The following TBC1D17 variants were observed in gnomAD, a reference collection of about 807,000 sequenced individuals.
TBC1D17 encodes the protein TBC1 domain family member 17.
TBC1D17 carries 69 observed loss-of-function variants against 78.8 expected under a neutral mutation model. The ratio of observed to expected loss-of-function variants is 0.88; its 90% CI spans 0.72 to 1.07. The LOEUF (loss-of-function observed/expected upper bound fraction) is 1.07, where lower values mean the gene tolerates loss of function less well. Among genes scored for constraint, TBC1D17 ranks in the 50% least tolerant of loss-of-function variants. The probability of loss-of-function intolerance (pLI) is 0.00; values close to 1 mark genes in which losing one functional copy is unlikely to be tolerated. For missense variants in TBC1D17, 957 were observed against 861.0 expected (o/e 1.11, Z -1.39); for synonymous variants, 456 against 358.3 (o/e 1.27, Z -3.08).
Position 49,878,130 on chromosome 19 carries a change from C to A in TBC1D17, c.22-13C>A, listed in dbSNP as rs1404238931. Reference sequence around the variant, plus strand: ...GCTTGGGCCCCAGCCCTCGCTGGTTCCCCCCAACTCAGGTGGTGTTTGAGA... The same window carrying A: ...GCTTGGGCCCCAGCCCTCGCTGGTTACCCCCAACTCAGGTGGTGTTTGAGA... On this transcript the variant is annotated splice_polypyrimidine_tract_variant and intron_variant, in intron 1 of 16. Transcript: ENST00000221543. 5 of 1,565,680 alleles carry A rather than the reference C, an allele frequency of 3.2e-6. No individual in the cohort carries two copies. In the Admixed American group the frequency reaches 7.5e-5, roughly 23 times the overall value.
chr19:49,882,079 A>G lies in TBC1D17; in HGVS notation c.566A>G (p.His189Arg). The G allele has an allele frequency of 6.2e-7, 1 of 1,613,848 alleles. No homozygotes were observed. The highest frequency in any genetic ancestry group is 8.5e-7 in the Non-Finnish European group (1 of 1,179,930). The part of the protein sequence containing the change: ...QDSRLYLVFP[H>R]DSSALSNSFH... ...TCCCGCCTCTACCTTGTCTTCCCCC[A>G]CGACTCCTCTGCTCTCTCCAACTCC... Residue 189 changes from histidine (H) to arginine (R), a missense_variant, in exon 6 of 17, where the codon CAC (histidine) becomes CGC (arginine). By Grantham distance (29) the His-to-Arg change is conservative (BLOSUM62 0). Transcript: ENST00000221543.
In TBC1D17 at chr19:49,887,469, C is replaced by T. The variant is rs766488081; in HGVS notation, c.1445-7C>T. ...CAAGGCTGAGTGGGCTCCATGTCAT[C>T]CCCCAGATTCCCAGGACTCCGGCTC... On this transcript the variant is annotated splice_polypyrimidine_tract_variant and splice_region_variant and intron_variant, in intron 13 of 16. Coordinates refer to ENST00000221543, the MANE Select transcript of TBC1D17 (RefSeq NM_024682.3). 4.3e-6 allele frequency: 7 copies of T among 1,613,158 alleles called. No homozygotes were observed. In the Admixed American group the frequency reaches 8.3e-5, roughly 19 times the overall value.
At chr19:49,887,117 G>C (rs1023950348) in intron 13 of TBC1D17, 1 of 324,434 alleles carries the variant, frequency 3.1e-6, no homozygotes, top group Non-Finnish European at 6.0e-6. Context: ...GGTTACAGGC[G>C]TGCGCCATCG....
intron 10 of TBC1D17, 81 bp downstream of exon 10, chr19:49,883,826 T>C (rs1044744296): frequency 9.7e-6 from 12 of 1,242,226 alleles, no homozygotes; most frequent in South Asian, 2.4e-5. Context: ...GAGTGGGAGA[T>C]AGAGGGAGCC....
chr19:49,880,548 G>A, intron 4 of TBC1D17, 146 bp downstream of exon 4: 2 of 1,134,938 alleles, frequency 1.8e-6, no homozygotes, highest in Non-Finnish European at 2.4e-6. Context: ...GCATGGAAGT[G>A]AATGGGAAGA....
chr19:49,884,451 C>A lies in TBC1D17; in HGVS notation c.1244-8C>A, dbSNP rs764606250. Reference sequence around the variant, plus strand: ...GCTTGGCTGCAGCCTGACCCCATGTCCCCCCAGGCTACGTCCAGGGCATGA... The same window carrying A: ...GCTTGGCTGCAGCCTGACCCCATGTACCCCCAGGCTACGTCCAGGGCATGA... On this transcript the variant is annotated splice_polypyrimidine_tract_variant and splice_region_variant and intron_variant, in intron 11 of 16. Transcript: ENST00000221543. The A allele has an allele frequency of 5.0e-6, 8 of 1,613,462 alleles. No individual in the cohort carries two copies. The highest frequency in any genetic ancestry group is 1.1e-5 in the South Asian group (1 of 91,068).
chr19:49,887,220 C>G (rs1048929529), intron 13 of TBC1D17: 4 of 491,010 alleles, frequency 8.1e-6, no homozygotes, highest in Non-Finnish European at 1.5e-5. Context: ...TCTGTTTCGT[C>G]GGGCGTGCTG....
rs1309167782 is a variant in TBC1D17, at chr19:49,888,587, T to G, written c.1910T>G (p.Ile637Ser). ...TAPQPDSSLE[I>S]LPEEEDEGAD... Reference sequence around the variant, plus strand: ...CCGCAGCCCGACAGCAGCCTGGAGATCCTGCCCGAGGAGGAGGACGAGGGC... The same window carrying G: ...CCGCAGCCCGACAGCAGCCTGGAGAGCCTGCCCGAGGAGGAGGACGAGGGC... The change falls in exon 17 of 17, where the codon ATC becomes AGC. Residue 637 changes from isoleucine to serine, a missense_variant. Physicochemically the swap from Ile to Ser is moderately radical, Grantham distance 142 (BLOSUM62 -2). Transcript: ENST00000221543. The G allele has an allele frequency of 1.3e-6, 2 of 1,527,036 alleles. No individual in the cohort carries two copies. The highest frequency in any genetic ancestry group is 1.8e-6 in the Non-Finnish European group (2 of 1,142,430). 94.6% of individuals were successfully genotyped at this position (1,527,036 alleles called of 1,614,324 possible). A position where few individuals can be genotyped will look rare whatever the true frequency, so the allele number is the denominator to read the frequency against.
At position 49,882,074 on chromosome 19, in the gene TBC1D17, C is replaced by T. The variant is rs1296807537; in HGVS notation, c.561C>T (p.Phe187=). 6.8e-6 allele frequency: 11 copies of T among 1,613,992 alleles called. No individual in the cohort carries two copies. The South Asian group carries it at 7.7e-5, about 11-fold the overall frequency. The change falls in exon 6 of 17, where the codon TTC becomes TTT. Residue 187 remains phenylalanine (F), a synonymous_variant. Coordinates refer to ENST00000221543, the MANE Select transcript of TBC1D17 (RefSeq NM_024682.3). ...SPQDSRLYLV[F]PHDSSALSNS... Reference sequence around the variant, plus strand: ...AGGACTCCCGCCTCTACCTTGTCTTCCCCCACGACTCCTCTGCTCTCTCCA... The same window carrying T: ...AGGACTCCCGCCTCTACCTTGTCTTTCCCCACGACTCCTCTGCTCTCTCCA...
At chr19:49,887,448 G>T in intron 13 of TBC1D17, 28 bp from the exon 14 acceptor site, 1 of 1,607,586 alleles carries the variant, frequency 6.2e-7, no homozygotes, top group African/African-American at 1.3e-5. Context: ...GCTGGGCAAG[G>T]CTGAGTGGGC....
Position 49,887,507 on chromosome 19 carries a change from T to A in TBC1D17, c.1476T>A (p.Cys492Ter). ...AGGACTCCGGCTCTCTCTGCTTCTG[T>A]TTCCGGTGGCTGCTCATCTGGTTCA... ...DSQDSGSLCF[C>*]FRWLLIWFKR... The change falls in exon 14 of 17, where the codon TGT (cysteine) becomes TGA (stop). Residue 492 changes from cysteine (C) to a stop codon, truncating the protein, a stop_gained. Transcript: ENST00000221543. LOFTEE classifies it high-confidence loss of function. 6.2e-7 allele frequency: 1 copy of A among 1,614,192 alleles called. No homozygotes were observed. The highest frequency in any genetic ancestry group is 8.5e-7 in the Non-Finnish European group (1 of 1,180,020).
chr19:49,886,254 C>CAA (rs111725968), intron 13 of TBC1D17, among the ~76,000 whole-genome samples: 9 of 149,548 alleles, frequency 6.0e-5, no homozygotes, highest in South Asian at 2.1e-4. Flanking sequence ...GACTTTGTCT[C>CAA]AAAAAAAAAG....
At position 49,888,659 on chromosome 19, in the gene TBC1D17, T is replaced by C. The variant is rs1568680514; in HGVS notation, c.*35T>C. 11 of 1,506,262 alleles carry C rather than the reference T, an allele frequency of 7.3e-6. No individual in the cohort carries two copies. Among genetic ancestry groups the C allele is most frequent in the African/African-American group, 1.4e-5 (1 of 72,032 alleles). The allele number at this position is 1,506,262 out of a possible 1,614,324, so 93.3% of individuals were successfully genotyped here. The stretch of plus-strand genomic sequence containing the variant: ...GCAGCCTCGTTCTGCACAGGCACTT[T>C]AGCCCGAGCCAGGCACACCTGCGAG... On this transcript the variant is annotated 3_prime_UTR_variant, in exon 17 of 17. Coordinates refer to ENST00000221543, the MANE Select transcript of TBC1D17 (RefSeq NM_024682.3).
intron 13 of TBC1D17, 55 bp from the exon 14 acceptor site, chr19:49,887,421 A>G (rs1555816210): frequency 6.4e-7 from 1 of 1,562,538 alleles, no homozygotes; most frequent in Non-Finnish European, 8.8e-7. Context: ...ATGACTTCTC[A>G]AACTCTCAGT....
chr19:49,884,770 G>T lies in TBC1D17; in HGVS notation c.1444+12G>T. 1.2e-6 allele frequency: 2 copies of T among 1,612,570 alleles called. No individual in the cohort carries two copies. Among genetic ancestry groups the T allele is most frequent in the East Asian group, 2.2e-5 (1 of 44,874 alleles). On this transcript the variant is annotated intron_variant, in intron 13 of 16. Transcript: ENST00000221543. ...CTGCGACTTCCTGGGTATGTCTCTC[G>T]GGAGGGTGGGCAGGAGACAATGGGG...
Position 49,878,537 on chromosome 19 carries a change from G to A in TBC1D17, c.160G>A (p.Ala54Thr), listed in dbSNP as rs779044992. The change falls in exon 3 of 17, where the codon GCT becomes ACT. Residue 54 changes from alanine to threonine, a missense_variant. Transcript: ENST00000221543. ...CCTGCACTGGGCTCCTGTAGAGGAG[G>A]CTGGAGATTCCACCCAAATCCTCTT... The part of the protein sequence containing the change: ...VLLHWAPVEE[A>T]GDSTQILFSK... 4 of 1,614,026 alleles carry A rather than the reference G, an allele frequency of 2.5e-6. No homozygotes were observed. Among genetic ancestry groups the A allele is most frequent in the Admixed American group, 3.3e-5 (2 of 59,990 alleles).
At chr19:49,880,016 G>A (rs546558238) in intron 3 of TBC1D17, among the ~76,000 whole-genome samples, 1 of 151,834 alleles carries the variant, frequency 6.6e-6, no homozygotes, top group East Asian at 1.9e-4. Context: ...ACCATGCCTG[G>A]CTAATTTTTT....
chr19:49,881,135 G>A (rs2075008738), intron 4 of TBC1D17, 133 bp from the exon 5 acceptor site: 1 of 713,342 alleles, frequency 1.4e-6, no homozygotes, highest in Non-Finnish European at 2.3e-6. Flanking sequence ...GGAATGTGAG[G>A]CCAGGGGCAG....
Position 49,887,828 on chromosome 19 carries a change from C to T in TBC1D17, c.1653C>T (p.Ile551=), listed in dbSNP as rs1365460377. 1 of 1,608,902 alleles carries T rather than the reference C, an allele frequency of 6.2e-7. No homozygotes were observed. The highest frequency in any genetic ancestry group is 1.1e-5 in the South Asian group (1 of 90,272). ...LMLSGFGSNE[I]LKHINELTMK... The stretch of plus-strand genomic sequence containing the variant: ...TGTCCGGCTTCGGCTCCAATGAGAT[C>T]CTCAAGGTGAGGCTCCGGCCCCGCC... Residue 551 remains isoleucine (I), a synonymous_variant, in exon 15 of 17, where the codon ATC becomes ATT. Coordinates refer to ENST00000221543, the MANE Select transcript of TBC1D17 (RefSeq NM_024682.3).
Sources: gnomAD v4.1 joint callset for allele counts (sites outside exome capture counted in the v4.1 genomes callset) on GRCh38, gnomAD v4.1.1 for gene constraint, MANE v1.5 for transcripts, NCBI Gene and HGNC (gene_info 2026-07-23, HGNC 2026-07-21) for gene names.